Variants in SMIM21 observed in about 807,000 individuals in gnomAD.
The protein encoded by SMIM21 is chromosome 18 open reading frame 62.
SMIM21 carries 8 observed loss-of-function variants against 8.6 expected under a neutral mutation model. That is an observed-to-expected ratio of 0.93 (90% confidence interval 0.55 to 1.68). The LOEUF (loss-of-function observed/expected upper bound fraction) is 1.68, where lower values mean the gene tolerates loss of function less well. SMIM21 is among the 40% of genes most tolerant of loss of function. The pLI, the probability that SMIM21 is intolerant of heterozygous loss-of-function variation, is 0.00. For missense variants in SMIM21, 132 were observed against 123.0 expected (o/e 1.07, Z -0.35); for synonymous variants, 43 against 41.7 (o/e 1.03, Z -0.12).
rs1235752851 is a variant in SMIM21, at chr18:75,410,420, CA to C, written c.*443del. 6.2e-6 allele frequency: 1 copy of C among 161,462 alleles called. No homozygotes were observed. The highest frequency in any genetic ancestry group is 1.7e-4 in the East Asian group (1 of 5,734). The allele number at this position is 161,462 out of a possible 1,614,324, so 10.0% of individuals were successfully genotyped here. A position where few individuals can be genotyped will look rare whatever the true frequency, so the allele number is the denominator to read the frequency against. ...AGGTTGTTAGCAACTATATGATATA[CA>C]GAACATCACAGAAATATCTCAAACT... On this transcript the variant is annotated 3_prime_UTR_variant, in exon 3 of 3. Coordinates refer to ENST00000579022, the MANE Select transcript of SMIM21 (RefSeq NM_001037331.3).
At chr18:75,423,939 A>G (rs2024735196) in intron 1 of SMIM21, among the ~76,000 whole-genome samples, 1 of 152,194 alleles carries the variant, frequency 6.6e-6, no homozygotes, top group Non-Finnish European at 1.5e-5. Context: ...GAGGCAGAAC[A>G]CAGTCAGTTT....
intron 2 of SMIM21, among the ~76,000 whole-genome samples, chr18:75,413,050 G>A (rs2024599846): frequency 1.3e-5 from 2 of 152,064 alleles, no homozygotes; most frequent in South Asian, 4.1e-4. Flanking sequence ...TTCTGATTAT[G>A]AGACACTCAA....
chr18:75,410,254 C>T lies in SMIM21; in HGVS notation c.*610G>A, dbSNP rs1388212796. 6.6e-6 allele frequency: 1 copy of T among 152,636 alleles called. No homozygotes were observed. Among genetic ancestry groups the T allele is most frequent in the Non-Finnish European group, 1.5e-5 (1 of 68,090 alleles). The allele number at this position is 152,636 out of a possible 1,614,324, so 9.5% of individuals were successfully genotyped here. ...TTTTCTACTTGACTGAGGGTTAGTTCATTAGGTCACAATCAGTAATTGATT... is the reference window on the plus strand; with the variant it reads ...TTTTCTACTTGACTGAGGGTTAGTTTATTAGGTCACAATCAGTAATTGATT... On this transcript the variant is annotated 3_prime_UTR_variant, in exon 3 of 3. Transcript: ENST00000579022.
intron 1 of SMIM21, 32 bp downstream of exon 1, chr18:75,427,403 C>T: frequency 1.9e-6 from 3 of 1,606,732 alleles, no homozygotes; most frequent in Non-Finnish European, 2.6e-6. Flanking sequence ...ACGTCTCTCT[C>T]ATAACCCAAA....
At chr18:75,417,683 A>C (rs1426481420) in intron 2 of SMIM21, 1 of 152,308 alleles carries the variant, frequency 6.6e-6, no homozygotes, top group East Asian at 1.9e-4. Flanking sequence ...TCATTTCCCA[A>C]GGTGCTTCCA....
intron 2 of SMIM21, among the ~76,000 whole-genome samples, 177 bp downstream of exon 2, chr18:75,418,601 ATCTGGCCT>A (rs2024674016): frequency 6.6e-6 from 1 of 152,192 alleles, no homozygotes; most frequent in Non-Finnish European, 1.5e-5. Flanking sequence ...TATTAATTTC[ATCTGGCCT>A]AATTTCCTTT....
chr18:75,413,923 C>T (rs2024610172), intron 2 of SMIM21, among the ~76,000 whole-genome samples: 1 of 152,118 alleles, frequency 6.6e-6, no homozygotes, highest in African/African-American at 2.4e-5. Flanking sequence ...TATAGGCATT[C>T]AAATGAGTGC....
At chr18:75,427,387 A>G (rs190544054) in intron 1 of SMIM21, 48 bp downstream of exon 1, 18 of 1,593,126 alleles carry the variant, frequency 1.1e-5, no homozygotes, top group Middle Eastern at 3.3e-4. Flanking sequence ...ATACCTGTGC[A>G]GTGATACGTC....
chr18:75,422,815 G>T (rs2024723305), intron 1 of SMIM21, among the ~76,000 whole-genome samples: 1 of 152,214 alleles, frequency 6.6e-6, no homozygotes, highest in African/African-American at 2.4e-5. Flanking sequence ...GGAGGAAGGA[G>T]TGACTGCTGA....
At chr18:75,425,446 T>G (rs965293370) in intron 1 of SMIM21, among the ~76,000 whole-genome samples, 1 of 152,246 alleles carries the variant, frequency 6.6e-6, no homozygotes, top group Non-Finnish European at 1.5e-5. Context: ...TTTCATGCCC[T>G]GTATTGGCTT....
At chr18:75,426,605 G>A (rs1427809959) in intron 1 of SMIM21, among the ~76,000 whole-genome samples, 3 of 126,036 alleles carry the variant, frequency 2.4e-5, no homozygotes, top group South Asian at 2.6e-4. Context: ...CACTGCACCC[G>A]GCCCTAGACC....
intron 1 of SMIM21, among the ~76,000 whole-genome samples, chr18:75,423,680 C>A (rs1215304613): frequency 1.3e-5 from 2 of 152,186 alleles, no homozygotes; most frequent in Non-Finnish European, 2.9e-5. Context: ...TTAAACTTCA[C>A]AATCAGAAAA....
At chr18:75,426,620 C>A (rs2024765225) in intron 1 of SMIM21, among the ~76,000 whole-genome samples, 1 of 104,974 alleles carries the variant, frequency 9.5e-6, no homozygotes, top group Non-Finnish European at 1.8e-5. Context: ...TAGACCATTA[C>A]TTTTAAAATG....
At chr18:75,411,581 G>T (rs2024585501) in intron 2 of SMIM21, among the ~76,000 whole-genome samples, 1 of 152,200 alleles carries the variant, frequency 6.6e-6, no homozygotes, top group African/African-American at 2.4e-5. Context: ...GACAGCTCAG[G>T]GGTGGCTTTG....
chr18:75,415,973 G>A (rs982598206), intron 2 of SMIM21: 1 of 152,116 alleles, frequency 6.6e-6, no homozygotes, highest in Admixed American at 6.5e-5. Context: ...TACGCTGCAG[G>A]CAATGTTTAC....
chr18:75,421,831 T>C (rs576315650), intron 1 of SMIM21, among the ~76,000 whole-genome samples: 2 of 152,326 alleles, frequency 1.3e-5, no homozygotes, highest in South Asian at 2.1e-4. Flanking sequence ...GGTTTTCTTA[T>C]CTGCTTCTGC....
In SMIM21 at chr18:75,427,672, T is replaced by C; in HGVS notation, c.-109A>G. On this transcript the variant is annotated 5_prime_UTR_variant, in exon 1 of 3. Coordinates refer to ENST00000579022, the MANE Select transcript of SMIM21 (RefSeq NM_001037331.3). The stretch of plus-strand genomic sequence containing the variant: ...TAACTAAGTTCCCAAGGAGCTTTTC[T>C]CTTCTTTGCCAACCTTGAAGATCTG... 5 of 1,206,786 alleles carry C rather than the reference T, an allele frequency of 4.1e-6. No homozygotes were observed. The highest frequency in any genetic ancestry group is 4.4e-6 in the Non-Finnish European group (4 of 905,882). 74.8% of individuals were successfully genotyped at this position (1,206,786 alleles called of 1,614,324 possible).
chr18:75,422,391 T>TA (rs2024718913), intron 1 of SMIM21, among the ~76,000 whole-genome samples: 2 of 152,178 alleles, frequency 1.3e-5, no homozygotes, highest in South Asian at 4.1e-4. Flanking sequence ...TGGCACACTT[T>TA]AAAAAACAGA....
At chr18:75,419,034 TA>T in intron 1 of SMIM21, 118 bp from the exon 2 acceptor site, 1 of 566,128 alleles carries the variant, frequency 1.8e-6, no homozygotes, top group East Asian at 2.9e-5. Context: ...TAAGTTTATA[TA>T]TTTAAGGTCG....
Sources: gnomAD v4.1 joint callset for allele counts (sites outside exome capture counted in the v4.1 genomes callset) on GRCh38, gnomAD v4.1.1 for gene constraint, MANE v1.5 for transcripts, NCBI Gene and HGNC (gene_info 2026-07-23, HGNC 2026-07-21) for gene names.